The following PRKCA variants were observed in gnomAD, a reference collection of about 807,000 sequenced individuals.
The protein encoded by PRKCA is protein kinase C alpha.
In PRKCA, 27 loss-of-function variants were observed where a neutral mutation model predicts 87.0. That is an observed-to-expected ratio of 0.31 (90% CI 0.23 to 0.43). PRKCA has a LOEUF of 0.43. Ranked by LOEUF, PRKCA falls within the 20% of genes least tolerant of loss-of-function variation. PRKCA has a pLI of 1.00. For synonymous variants in PRKCA, 329 were observed against 311.1 expected, an observed-to-expected ratio of 1.06 and a Z score of -0.61; for missense variants, 518 against 852.3, an observed-to-expected ratio of 0.61 and a Z score of 4.88.
intron 2 of PRKCA, among the ~76,000 whole-genome samples, chr17:66,334,115 G>A (rs1360323951): frequency 6.6e-6 from 1 of 152,080 alleles, no homozygotes; most frequent in East Asian, 1.9e-4. Flanking sequence ...GCCAGGCGTG[G>A]TGGCTCAGCC....
chr17:66,387,257 G>C (rs1910113814), intron 2 of PRKCA, among the ~76,000 whole-genome samples: 1 of 152,308 alleles, frequency 6.6e-6, no homozygotes, highest in South Asian at 2.1e-4. Context: ...CTTGAGCTAT[G>C]AATAATATGT....
chr17:66,699,285 C>T (rs1344221038), intron 8 of PRKCA, among the ~76,000 whole-genome samples: 1 of 150,034 alleles, frequency 6.7e-6, no homozygotes, highest in Non-Finnish European at 1.5e-5. Flanking sequence ...ATTGGTAAAC[C>T]TTTAGCTAGA....
chr17:66,649,084 C>T (rs1193118117), intron 5 of PRKCA, among the ~76,000 whole-genome samples: 2 of 142,880 alleles, frequency 1.4e-5, no homozygotes, highest in South Asian at 2.2e-4. Flanking sequence ...GGCGACAGAG[C>T]GAGAGTCCAT....
intron 13 of PRKCA, among the ~76,000 whole-genome samples, chr17:66,751,371 C>T (rs1306489613): frequency 6.6e-6 from 1 of 152,186 alleles, no homozygotes; most frequent in Admixed American, 6.5e-5. Flanking sequence ...AGAATGCTGG[C>T]CCGCCAGCCT....
At chr17:66,386,214 A>G (rs951404408) in intron 2 of PRKCA, among the ~76,000 whole-genome samples, 131 of 152,208 alleles carry the variant, frequency 8.6e-4, no homozygotes, top group Middle Eastern at 3.4e-3. Context: ...TGCTTTTTTC[A>G]TTAACAGTAT....
intron 3 of PRKCA, among the ~76,000 whole-genome samples, chr17:66,509,176 G>A (rs868030528): frequency 0.016 from 1,840 of 115,528 alleles, 32 homozygotes; most frequent in African/African-American, 0.052. Flanking sequence ...GTGTGTGTGT[G>A]TATGTGTGTG....
At chr17:66,428,890 G>C (rs1912956400) in intron 2 of PRKCA, among the ~76,000 whole-genome samples, 1 of 152,128 alleles carries the variant, frequency 6.6e-6, no homozygotes, top group African/African-American at 2.4e-5. Flanking sequence ...ATCATTGAAG[G>C]AGTCACTGTA....
intron 2 of PRKCA, among the ~76,000 whole-genome samples, chr17:66,349,455 T>C (rs1907602140): frequency 6.6e-6 from 1 of 151,368 alleles, no homozygotes; most frequent in African/African-American, 2.4e-5. Flanking sequence ...CCTGGCTTGG[T>C]GAGTATGGAG....
intron 5 of PRKCA, among the ~76,000 whole-genome samples, chr17:66,652,835 C>T (rs955014343): frequency 6.6e-6 from 1 of 152,234 alleles, no homozygotes; most frequent in African/African-American, 2.4e-5. Flanking sequence ...TCCCTGCCTC[C>T]ACCCTCTTAC....
chr17:66,610,462 G>T (rs1036786311), intron 3 of PRKCA, among the ~76,000 whole-genome samples: 1 of 152,122 alleles, frequency 6.6e-6, no homozygotes, highest in Admixed American at 6.5e-5. Context: ...CAAGCTTCTA[G>T]TCATGGCTTG....
At chr17:66,559,998 G>A (rs1459221774) in intron 3 of PRKCA, among the ~76,000 whole-genome samples, 1 of 152,216 alleles carries the variant, frequency 6.6e-6, no homozygotes, top group Non-Finnish European at 1.5e-5. Flanking sequence ...ACATTGGTAG[G>A]TGTGCTGAGG....
At chr17:66,692,353 C>T (rs915587226) in intron 8 of PRKCA, among the ~76,000 whole-genome samples, 2 of 152,178 alleles carry the variant, frequency 1.3e-5, no homozygotes, top group Non-Finnish European at 2.9e-5. Flanking sequence ...TAGAGGATGG[C>T]GTCAAAAAGA....
intron 2 of PRKCA, among the ~76,000 whole-genome samples, chr17:66,355,455 T>C (rs2143448487): frequency 6.6e-6 from 1 of 152,322 alleles, no homozygotes; most frequent in South Asian, 2.1e-4. Context: ...GGGTCTTGAA[T>C]TTCCACCATT....
intron 3 of PRKCA, among the ~76,000 whole-genome samples, chr17:66,587,924 TA>T: frequency 8.3e-6 from 1 of 119,842 alleles, no homozygotes; most frequent in African/African-American, 3.3e-5. Context: ...TATATATATA[TA>T]TATATATCCT....
At chr17:66,722,018 A>G (rs1181696709) in intron 8 of PRKCA, among the ~76,000 whole-genome samples, 1 of 152,176 alleles carries the variant, frequency 6.6e-6, no homozygotes, top group Non-Finnish European at 1.5e-5. Context: ...GCCCTGGAGT[A>G]ATGGTTCAGT....
At chr17:66,779,528 C>T (rs190143366) in intron 14 of PRKCA, among the ~76,000 whole-genome samples, 46 of 152,242 alleles carry the variant, frequency 3.0e-4, no homozygotes, top group African/African-American at 9.6e-4. Context: ...ATCTTAACTT[C>T]GGCCTGAATT....
chr17:66,555,227 C>T (rs1010245735), intron 3 of PRKCA, among the ~76,000 whole-genome samples: 2 of 152,214 alleles, frequency 1.3e-5, no homozygotes, highest in South Asian at 4.1e-4. Context: ...TCTGTGCAGT[C>T]AGCACAGCAT....
intron 9 of PRKCA, among the ~76,000 whole-genome samples, chr17:66,733,786 C>T (rs899078874): frequency 3.4e-4 from 51 of 152,006 alleles, no homozygotes; most frequent in Non-Finnish European, 2.6e-4. Flanking sequence ...AGGGAGACTC[C>T]GTCTCAAAAA....
chr17:66,389,836 G>C (rs142383774), intron 2 of PRKCA, among the ~76,000 whole-genome samples: 1,682 of 152,346 alleles, frequency 0.011, 39 homozygotes, highest in African/African-American at 0.039. Context: ...TTAAGAAAGA[G>C]ATAGAAGGGC....
Sources: gnomAD v4.1 joint callset for allele counts (sites outside exome capture counted in the v4.1 genomes callset) on GRCh38, gnomAD v4.1.1 for gene constraint, MANE v1.5 for transcripts, NCBI Gene and HGNC (gene_info 2026-07-23, HGNC 2026-07-21) for gene names.